The following DPP10 variants were observed in gnomAD, a reference collection of about 807,000 sequenced individuals.
DPP10 encodes the protein dipeptidyl peptidase like 10.
DPP10 carries 33 observed loss-of-function variants against 120.9 expected under a neutral mutation model. The observed-to-expected ratio is 0.27, with a 90% CI of 0.21 to 0.37. The LOEUF is 0.37. Among genes scored for constraint, DPP10 ranks in the 10% least tolerant of loss-of-function variants. The pLI, the probability that DPP10 is intolerant of heterozygous loss-of-function variation, is 1.00. For missense variants in DPP10, 816 were observed against 942.8 expected, an observed-to-expected ratio of 0.87 and a Z score of 1.76; for synonymous variants, 337 against 326.1, an observed-to-expected ratio of 1.03 and a Z score of -0.36.
At chr2:115,078,395 T>C (rs1707968702) in intron 1 of DPP10, among the ~76,000 whole-genome samples, 1 of 152,202 alleles carries the variant, frequency 6.6e-6, no homozygotes, top group Non-Finnish European at 1.5e-5. Context: ...AGATTAAGAC[T>C]AATTTTGTAA....
chr2:114,866,203 A>G (rs1368465857), intron 1 of DPP10, among the ~76,000 whole-genome samples: 2 of 152,044 alleles, frequency 1.3e-5, no homozygotes, highest in Admixed American at 6.5e-5. Context: ...ATGATAAGAA[A>G]GAATGATCAT....
chr2:115,027,490 T>C (rs1703548172), intron 1 of DPP10, among the ~76,000 whole-genome samples: 1 of 152,208 alleles, frequency 6.6e-6, no homozygotes, highest in Admixed American at 6.5e-5. Flanking sequence ...GGCATGAATA[T>C]CATGGTGAAT....
intron 1 of DPP10, among the ~76,000 whole-genome samples, chr2:114,883,939 A>G (rs1402022028): frequency 6.6e-6 from 1 of 152,234 alleles, no homozygotes; most frequent in African/African-American, 2.4e-5. Flanking sequence ...GAATTTTCAA[A>G]CTTCTGTGTA....
intron 3 of DPP10, among the ~76,000 whole-genome samples, chr2:115,351,955 G>A (rs528093197): frequency 8.6e-5 from 13 of 151,988 alleles, no homozygotes; most frequent in South Asian, 2.1e-4. Context: ...TCAAACTTTT[G>A]TTTGGAATTT....
intron 1 of DPP10, among the ~76,000 whole-genome samples, chr2:114,635,560 G>A (rs555269136): frequency 2.4e-4 from 36 of 151,900 alleles, no homozygotes; most frequent in Middle Eastern, 6.8e-3. Flanking sequence ...TTATTCAATC[G>A]TTTTTTTCTG....
At chr2:115,402,885 G>A (rs1393529359) in intron 3 of DPP10, among the ~76,000 whole-genome samples, 2 of 137,348 alleles carry the variant, frequency 1.5e-5, no homozygotes, top group Non-Finnish European at 3.1e-5. Flanking sequence ...ATGTGTGTGT[G>A]TGTGTGTATA....
intron 1 of DPP10, among the ~76,000 whole-genome samples, chr2:114,675,826 G>T (rs1273491596): frequency 1.3e-5 from 2 of 150,844 alleles, no homozygotes; most frequent in Non-Finnish European, 3.0e-5. Flanking sequence ...TTTTTGATGG[G>T]GTCTTGCCCT....
At chr2:115,116,702 A>G (rs1441297318) in intron 1 of DPP10, among the ~76,000 whole-genome samples, 5 of 152,186 alleles carry the variant, frequency 3.3e-5, no homozygotes, top group Non-Finnish European at 7.3e-5. Context: ...CTTTACACAT[A>G]TATAATTGTT....
At chr2:114,942,247 T>G (rs1696959297) in intron 1 of DPP10, among the ~76,000 whole-genome samples, 1 of 144,064 alleles carries the variant, frequency 6.9e-6, no homozygotes, top group Non-Finnish European at 1.5e-5. Flanking sequence ...CACTCCAGCC[T>G]GGGTGACAGG....
At chr2:115,050,015 G>T (rs1356449356) in intron 1 of DPP10, 2 of 152,048 alleles carry the variant, frequency 1.3e-5, no homozygotes, top group Non-Finnish European at 2.9e-5. Flanking sequence ...TCCGTAGGAA[G>T]AATTATTTCA....
chr2:114,576,057 C>T lies in DPP10; in HGVS notation c.60+133219C>T, dbSNP rs1156486412. Among the ~76,000 whole-genome samples the T allele has an allele frequency of 2.0e-5, 3 of 152,190 alleles. No homozygotes were observed. The East Asian group carries it at 5.8e-4, about 29-fold the overall frequency. On this transcript the variant is annotated intron_variant, in intron 1 of 25. Coordinates refer to ENST00000410059, the MANE Select transcript of DPP10 (RefSeq NM_020868.6). ...GTAAAAGAACTAGGATAAAGTAAAA[C>T]TTCTTTATCAACAAACTGCTGGTTA...
chr2:114,793,512 CTAAAAAACAG>C (rs1225904691), intron 1 of DPP10, among the ~76,000 whole-genome samples: 2 of 151,988 alleles, frequency 1.3e-5, no homozygotes, highest in African/African-American at 4.8e-5. Context: ...AAATGTTCAC[CTAAAAAACAG>C]ATATTAATCA....
chr2:114,900,856 G>A (rs1400617416), intron 1 of DPP10, among the ~76,000 whole-genome samples: 1 of 152,090 alleles, frequency 6.6e-6, no homozygotes, highest in African/African-American at 2.4e-5. Flanking sequence ...TTAGCTGTAT[G>A]AGGTATTTTC....
intron 5 of DPP10, among the ~76,000 whole-genome samples, chr2:115,637,915 TA>T (rs2086480933): frequency 1.3e-5 from 2 of 152,156 alleles, no homozygotes; most frequent in African/African-American, 2.4e-5. Context: ...ATAACTCAAA[TA>T]TAAGTTCAGA....
chr2:114,929,384 G>A (rs183174410), intron 1 of DPP10, among the ~76,000 whole-genome samples: 1 of 152,298 alleles, frequency 6.6e-6, no homozygotes, highest in East Asian at 1.9e-4. Flanking sequence ...GCAAGCCTGA[G>A]GGCATTGCAG....
intron 1 of DPP10, among the ~76,000 whole-genome samples, chr2:114,879,016 TC>T (rs1691388968): frequency 6.6e-6 from 1 of 152,140 alleles, no homozygotes. Context: ...TGTGTGATTA[TC>T]TTTTCTAGGA....
At chr2:114,938,596 A>AT (rs1696659220) in intron 1 of DPP10, among the ~76,000 whole-genome samples, 1 of 152,130 alleles carries the variant, frequency 6.6e-6, no homozygotes, top group Non-Finnish European at 1.5e-5. Context: ...TTACAAATAT[A>AT]TTTTAATTGG....
Position 115,481,528 on chromosome 2 carries a change from A to G in DPP10, c.272-17982A>G, listed in dbSNP as rs569133805. Among the ~76,000 whole-genome samples, 58 of 152,216 alleles carry G rather than the reference A, an allele frequency of 3.8e-4. 1 individual carries two copies. Among genetic ancestry groups the G allele is most frequent in the Admixed American group, 9.8e-4 (15 of 15,272 alleles). Reference sequence around the variant, plus strand: ...AGTTGCTGATTCTTCACTGGGTTCAATGAGGCTTTTTTGATGACTTTTTCA... The same window carrying G: ...AGTTGCTGATTCTTCACTGGGTTCAGTGAGGCTTTTTTGATGACTTTTTCA... On this transcript the variant is annotated intron_variant, in intron 3 of 25. Coordinates refer to ENST00000410059, the MANE Select transcript of DPP10 (RefSeq NM_020868.6).
At chr2:114,586,518 A>G (rs568766040) in intron 1 of DPP10, among the ~76,000 whole-genome samples, 3 of 152,248 alleles carry the variant, frequency 2.0e-5, no homozygotes, top group Non-Finnish European at 2.9e-5. Flanking sequence ...TAAATAAAAT[A>G]CAACATGTAA....
Sources: gnomAD v4.1 joint callset for allele counts (sites outside exome capture counted in the v4.1 genomes callset) on GRCh38, gnomAD v4.1.1 for gene constraint, MANE v1.5 for transcripts, NCBI Gene and HGNC (gene_info 2026-07-23, HGNC 2026-07-21) for gene names.